The following PLAC1 variants were observed in gnomAD, a reference collection of about 807,000 sequenced individuals.
PLAC1 encodes placenta associated 1.
For synonymous variants in PLAC1, 68 were observed against 62.1 expected, an observed-to-expected ratio of 1.09 and a Z score of -0.44; for missense variants, 136 against 163.2, an observed-to-expected ratio of 0.83 and a Z score of 0.91.
intron 2 of PLAC1, among the ~76,000 whole-genome samples, chrX:134,711,735 G>T (rs2078628652): frequency 8.9e-6 from 1 of 111,764 alleles, no homozygotes; most frequent in South Asian, 3.7e-4. Context: ...ATGTACATCT[G>T]CATGTCAGCA....
intron 1 of PLAC1, among the ~76,000 whole-genome samples, chrX:134,750,833 ATTTATATATATATTTATATATATATATT>A: frequency 6.5e-5 from 2 of 30,939 alleles, no homozygotes; most frequent in African/African-American, 4.3e-4. Context: ...ATATATATAT[ATTTATATATATATTTATATATATATATT>A]TTTATATATA....
chrX:134,702,530 A>G (rs1471968438), intron 2 of PLAC1, among the ~76,000 whole-genome samples: 3 of 112,137 alleles, frequency 2.7e-5, no homozygotes, highest in Admixed American at 9.5e-5. Context: ...CTCACTTATA[A>G]GTAGGAGCTA....
chrX:134,630,533 A>C (rs1470663931), intron 1 of PLAC1, among the ~76,000 whole-genome samples: 1 of 111,588 alleles, frequency 9.0e-6, no homozygotes, highest in Non-Finnish European at 1.9e-5. Flanking sequence ...GTATTTTCAC[A>C]AGGGGCTCAT....
At chrX:134,589,108 G>T (rs2078021639) in intron 2 of PLAC1, among the ~76,000 whole-genome samples, 1 of 111,441 alleles carries the variant, frequency 9.0e-6, no homozygotes, top group Admixed American at 9.5e-5. Flanking sequence ...GGCTGGCAGG[G>T]AGGGCTCCAA....
intron 1 of PLAC1, among the ~76,000 whole-genome samples, chrX:134,741,340 G>T (rs1036759810): frequency 8.9e-6 from 1 of 111,976 alleles, no homozygotes; most frequent in Non-Finnish European, 1.9e-5. Flanking sequence ...ACTGTAGTAC[G>T]GTGAGGAGAA....
chrX:134,732,533 C>T (rs1417629102), intron 2 of PLAC1, among the ~76,000 whole-genome samples: 4 of 110,775 alleles, frequency 3.6e-5, no homozygotes, highest in Non-Finnish European at 7.5e-5. Flanking sequence ...GATGCTTACC[C>T]CATTTTTTAA....
At chrX:134,738,374 C>A (rs1302660621) in intron 1 of PLAC1, among the ~76,000 whole-genome samples, 1 of 111,710 alleles carries the variant, frequency 9.0e-6, no homozygotes, top group Non-Finnish European at 1.9e-5. Flanking sequence ...ACAAGGCAGA[C>A]AATCCTCAGC....
At chrX:134,699,859 CCT>C (rs1346188793) in intron 2 of PLAC1, among the ~76,000 whole-genome samples, 1 of 111,967 alleles carries the variant, frequency 8.9e-6, no homozygotes, top group African/African-American at 3.2e-5. Flanking sequence ...CTACAAACCC[CCT>C]GTTTCTTCTA....
intron 2 of PLAC1, among the ~76,000 whole-genome samples, chrX:134,567,824 G>C (rs1463319507): frequency 2.0e-5 from 2 of 98,047 alleles, no homozygotes; most frequent in Non-Finnish European, 4.1e-5. Context: ...GGGAGGGAGG[G>C]AGGGAGGGAG....
At chrX:134,646,783 G>T (rs1399308635) in intron 1 of PLAC1, among the ~76,000 whole-genome samples, 3 of 112,484 alleles carry the variant, frequency 2.7e-5, no homozygotes, top group Non-Finnish European at 5.6e-5. Context: ...AAAGCCAGGG[G>T]AGAGTGAGCT....
At chrX:134,710,435 T>C (rs1185506807) in intron 2 of PLAC1, among the ~76,000 whole-genome samples, 1 of 112,119 alleles carries the variant, frequency 8.9e-6, no homozygotes, top group Admixed American at 9.5e-5. Context: ...AAAGTGTATG[T>C]ACTCTTTAAC....
In PLAC1 at chrX:134,680,662, C is replaced by T. The variant is rs188117044; in HGVS notation, n.174+52773G>A. Among the ~76,000 whole-genome samples, 457 of 111,880 alleles carry T rather than the reference C, an allele frequency of 4.1e-3. 1 individual carries two copies. Among genetic ancestry groups the T allele is most frequent in the African/African-American group, 0.014 (444 of 30,791 alleles). On this transcript the variant is annotated intron_variant and non_coding_transcript_variant, in intron 2 of 2. Coordinates refer to the PLAC1 transcript ENST00000466797. ...TGTGTGTAGCCTCTTGAGAACATTA[C>T]CCAGCTAAGGGTTTGGAAAATCAGT...
intron 2 of PLAC1, among the ~76,000 whole-genome samples, chrX:134,593,897 C>G (rs1321488252): frequency 9.0e-6 from 1 of 111,392 alleles, no homozygotes; most frequent in Non-Finnish European, 1.9e-5. Context: ...CTTTTATTTC[C>G]TTTTCTGGAC....
intron 1 of PLAC1, among the ~76,000 whole-genome samples, chrX:134,742,568 A>AC (rs1383374607): frequency 1.8e-5 from 2 of 110,270 alleles, no homozygotes; most frequent in Non-Finnish European, 3.8e-5. Flanking sequence ...AGCCTGGGCG[A>AC]CAGAGCGAGA....
chrX:134,754,555 C>T lies in PLAC1; in HGVS notation n.89+9679G>A, dbSNP rs760783474. 1.3e-4 allele frequency among the ~76,000 whole-genome samples: 14 copies of T among 110,904 alleles called. No individual in the cohort carries two copies. In the South Asian group the frequency reaches 5.3e-3, roughly 42 times the overall value. ...AAAAATCAAGTAACTCGCTCAACTT[C>T]TGAGGTAAAAGTCAACATAGATGGA... is the stretch of plus-strand genomic sequence containing the variant. On this transcript the variant is annotated intron_variant and non_coding_transcript_variant, in intron 1 of 2. Transcript: ENST00000466797.
intron 2 of PLAC1, among the ~76,000 whole-genome samples, chrX:134,700,992 A>C (rs1412521044): frequency 6.2e-5 from 7 of 112,206 alleles, no homozygotes; most frequent in African/African-American, 2.3e-4. Context: ...AATCCTACAC[A>C]AAAAGGATAA....
At chrX:134,689,831 T>C (rs752544190) in intron 2 of PLAC1, among the ~76,000 whole-genome samples, 1 of 112,609 alleles carries the variant, frequency 8.9e-6, no homozygotes, top group East Asian at 2.8e-4. Context: ...CTTCTCTATC[T>C]TGCTTTTTAA....
intron 1 of PLAC1, among the ~76,000 whole-genome samples, chrX:134,653,321 C>G (rs527913825): frequency 1.8e-5 from 2 of 112,396 alleles, no homozygotes; most frequent in South Asian, 7.4e-4. Context: ...AAAAACCAGA[C>G]ACATCACTAC....
chrX:134,662,788 G>A (rs776589787), upstream of PLAC1, among the ~76,000 whole-genome samples: 6 of 111,170 alleles, frequency 5.4e-5, no homozygotes, highest in Non-Finnish European at 1.1e-4. Context: ...AAGTATCCAG[G>A]CATAGTGGTG....
Sources: allele counts gnomAD v4.1 joint callset (sites outside exome capture counted in the v4.1 genomes callset), GRCh38; gene constraint gnomAD v4.1.1; transcripts MANE v1.5; gene names NCBI Gene and HGNC (gene_info 2026-07-23, HGNC 2026-07-21).